Variants in MTUS2 observed in about 807,000 individuals in gnomAD.
MTUS2 encodes the protein microtubule-associated tumor suppressor candidate 2.
In MTUS2, 40 loss-of-function variants were observed where a neutral mutation model predicts 114.1. That is an observed-to-expected ratio of 0.35 (90% CI 0.27 to 0.46). The LOEUF is 0.46. MTUS2 is among the 20% of genes least tolerant of loss of function. The probability of loss-of-function intolerance (pLI) is 1.00; values close to 1 mark genes in which losing one functional copy is unlikely to be tolerated. For missense variants in MTUS2, 1,679 were observed against 1,705.4 expected (o/e 0.98, Z 0.27); for synonymous variants, 688 against 672.0 (o/e 1.02, Z -0.37).
At chr13:28,984,650 T>G (rs192696652) in intron 2 of MTUS2, among the ~76,000 whole-genome samples, 7 of 152,330 alleles carry the variant, frequency 4.6e-5, no homozygotes, top group Admixed American at 3.9e-4. Context: ...ATGACGTAAT[T>G]TGTCAAATGA....
chr13:28,827,213 A>G (rs1874327961), intron 1 of MTUS2, among the ~76,000 whole-genome samples: 1 of 152,226 alleles, frequency 6.6e-6, no homozygotes, highest in African/African-American at 2.4e-5. Flanking sequence ...TGCATTTTCC[A>G]TTAGTGTTAC....
At chr13:28,841,936 T>C (rs558372920) in intron 2 of MTUS2, among the ~76,000 whole-genome samples, 5 of 152,322 alleles carry the variant, frequency 3.3e-5, no homozygotes, top group Non-Finnish European at 7.4e-5. Context: ...CTGCCCGCCT[T>C]GGCCTCCCAA....
intron 4 of MTUS2, among the ~76,000 whole-genome samples, chr13:29,043,778 A>G (rs1887484948): frequency 1.1e-4 from 1 of 8,712 alleles, no homozygotes; most frequent in Non-Finnish European, 3.9e-4. Context: ...TGATTGTTTA[A>G]AGTCTGATAG....
At chr13:29,268,823 A>G (rs1280790046) in intron 5 of MTUS2, among the ~76,000 whole-genome samples, 1 of 152,118 alleles carries the variant, frequency 6.6e-6, no homozygotes, top group Non-Finnish European at 1.5e-5. Flanking sequence ...TCAAACTCCT[A>G]GGCTTCAGCA....
intron 8 of MTUS2, among the ~76,000 whole-genome samples, chr13:29,399,233 G>A (rs529077099): frequency 2.6e-5 from 4 of 152,258 alleles, no homozygotes; most frequent in Non-Finnish European, 5.9e-5. Context: ...CAGCAAGGAC[G>A]ACCAAAGGAC....
intron 9 of MTUS2, among the ~76,000 whole-genome samples, chr13:29,466,339 T>G (rs1444256851): frequency 2.6e-5 from 4 of 152,218 alleles, no homozygotes; most frequent in Non-Finnish European, 5.9e-5. Flanking sequence ...GGGCTATTGA[T>G]AACTGCCTGA....
At chr13:29,143,707 C>T (rs970924931) in intron 5 of MTUS2, among the ~76,000 whole-genome samples, 1 of 152,116 alleles carries the variant, frequency 6.6e-6, no homozygotes, top group African/African-American at 2.4e-5. Context: ...GTAGCTAGCT[C>T]ATTGAAGTAA....
chr13:28,953,708 A>AC (rs1167517001), intron 2 of MTUS2, among the ~76,000 whole-genome samples: 2 of 152,194 alleles, frequency 1.3e-5, no homozygotes, highest in African/African-American at 4.8e-5. Context: ...CCTAGGTTGT[A>AC]CATATAGTCC....
At chr13:29,229,321 C>T (rs1013422599) in intron 5 of MTUS2, among the ~76,000 whole-genome samples, 4 of 152,214 alleles carry the variant, frequency 2.6e-5, no homozygotes, top group African/African-American at 9.6e-5. Flanking sequence ...TTGTCCTCAA[C>T]ATTTTCACTC....
chr13:28,986,624 G>A (rs1884600722), intron 2 of MTUS2, among the ~76,000 whole-genome samples: 1 of 152,194 alleles, frequency 6.6e-6, no homozygotes, highest in African/African-American at 2.4e-5. Flanking sequence ...CATCAAGTTT[G>A]GCTGAGATCT....
intron 8 of MTUS2, among the ~76,000 whole-genome samples, chr13:29,382,070 T>C (rs1286626235): frequency 1.3e-5 from 2 of 152,080 alleles, no homozygotes; most frequent in Non-Finnish European, 2.9e-5. Context: ...GAGGAATCGA[T>C]CAAGTCACCA....
chr13:28,866,383 T>C (rs1877300218), intron 2 of MTUS2, among the ~76,000 whole-genome samples: 1 of 152,302 alleles, frequency 6.6e-6, no homozygotes, highest in East Asian at 1.9e-4. Flanking sequence ...CACAAATGCT[T>C]ATACAGGTGT....
intron 5 of MTUS2, among the ~76,000 whole-genome samples, chr13:29,137,919 G>C (rs1892053229): frequency 6.6e-6 from 1 of 152,148 alleles, no homozygotes; most frequent in South Asian, 2.1e-4. Flanking sequence ...AGAAAAAAAT[G>C]AAAGAGGTTG....
chr13:29,275,967 C>G (rs908770964), intron 5 of MTUS2, among the ~76,000 whole-genome samples: 5 of 152,148 alleles, frequency 3.3e-5, no homozygotes, highest in Non-Finnish European at 7.4e-5. Context: ...AATCCAAGAT[C>G]ATTCACATTT....
chr13:29,392,180 T>C (rs1566176583), intron 8 of MTUS2, among the ~76,000 whole-genome samples: 1 of 151,652 alleles, frequency 6.6e-6, no homozygotes, highest in Non-Finnish European at 1.5e-5. Context: ...ACTTGTTATC[T>C]TTCCAAACTG....
At chr13:29,149,166 A>G (rs182130193) in intron 5 of MTUS2, among the ~76,000 whole-genome samples, 213 of 152,236 alleles carry the variant, frequency 1.4e-3, no homozygotes, top group South Asian at 7.7e-3. Flanking sequence ...AGGCATTCCT[A>G]TTTCTTCACA....
intron 6 of MTUS2, among the ~76,000 whole-genome samples, chr13:29,301,222 T>C (rs2992397): frequency 0.16 from 24,340 of 152,108 alleles, 2,119 homozygotes; most frequent in Non-Finnish European, 0.17. Flanking sequence ...GGCCTGTTAT[T>C]CTCTTGCCTA....
intron 4 of MTUS2, among the ~76,000 whole-genome samples, chr13:29,067,576 A>G (rs1802993989): frequency 6.6e-6 from 1 of 152,188 alleles, no homozygotes; most frequent in Admixed American, 6.5e-5. Context: ...GTGAATGGAA[A>G]GTGGGGAAGT....
rs556298723 is a variant in MTUS2 at position 29,175,921 on chromosome 13, A to G, written c.2644+74951A>G. Among the ~76,000 whole-genome samples the G allele has an allele frequency of 2.0e-4, 30 of 152,266 alleles. No homozygotes were observed. The South Asian group carries it at 5.0e-3, about 25-fold the overall frequency. On this transcript the variant is annotated intron_variant, in intron 5 of 15. Transcript: ENST00000612955. ...TGTAACAGAGACAGGCTGGCCTTGG[A>G]GTGAGCTCAACAGCCATATGTATTT...
Sources: allele counts gnomAD v4.1 joint callset (sites outside exome capture counted in the v4.1 genomes callset), GRCh38; gene constraint gnomAD v4.1.1; transcripts MANE v1.5; gene names NCBI Gene and HGNC (gene_info 2026-07-23, HGNC 2026-07-21).